LGSN: variants seen among roughly 807,000 people sequenced by gnomAD.
LGSN encodes lengsin.
LGSN carries 21 observed loss-of-function variants against 19.5 expected under a neutral mutation model. That is an observed-to-expected ratio of 1.07 (90% CI 0.76 to 1.55). The LOEUF is 1.55. LGSN is among the 40% of genes most tolerant of loss of function. The pLI, the probability that LGSN is intolerant of heterozygous loss-of-function variation, is 0.00. For synonymous variants in LGSN, 257 were observed against 215.6 expected, an observed-to-expected ratio of 1.19 and a Z score of -1.68; for missense variants, 673 against 608.5, an observed-to-expected ratio of 1.11 and a Z score of -1.12.
the LGSN span, among the ~76,000 whole-genome samples, chr6:63,442,111 T>C: frequency 2.0e-5 from 3 of 152,182 alleles, no homozygotes; most frequent in Admixed American, 1.3e-4. Flanking sequence ...ACAGCGCATC[T>C]GGAGTTGTTT....
the LGSN span, among the ~76,000 whole-genome samples, chr6:63,432,081 A>AAAAGAAGGAAAGAAAGAAAG: frequency 5.5e-5 from 7 of 127,724 alleles, no homozygotes; most frequent in Admixed American, 9.7e-5. Flanking sequence ...TCTCGAAAGA[A>AAAAGAAGGAAAGAAAGAAAG]AAAGAAGGAA....
chr6:63,492,822 T>C, the LGSN span, among the ~76,000 whole-genome samples: 1 of 152,362 alleles, frequency 6.6e-6, no homozygotes, highest in East Asian at 1.9e-4. Flanking sequence ...AATCCAACTT[T>C]AAAATCACAC....
intron 1 of LGSN, among the ~76,000 whole-genome samples, chr6:63,299,163 C>T (rs1768094296): frequency 6.6e-6 from 1 of 152,170 alleles, no homozygotes; most frequent in African/African-American, 2.4e-5. Context: ...CTTAAAAAGA[C>T]TGCCTATTGA....
At chr6:63,449,685 A>G in the LGSN span, among the ~76,000 whole-genome samples, 1 of 152,226 alleles carries the variant, frequency 6.6e-6, no homozygotes, top group African/African-American at 2.4e-5. Flanking sequence ...CCAGAGAAAG[A>G]AAACAAAAAT....
the LGSN span, chr6:63,441,619 G>A: frequency 6.4e-6 from 3 of 466,814 alleles, no homozygotes; most frequent in South Asian, 5.4e-5. Flanking sequence ...GCTCAGGAGA[G>A]GAAATGCGGA....
chr6:63,337,384 A>AC, the LGSN span, among the ~76,000 whole-genome samples: 24 of 151,578 alleles, frequency 1.6e-4, no homozygotes, highest in African/African-American at 5.6e-4. Flanking sequence ...AATCACTTGA[A>AC]CCCAAGAGGC....
At chr6:63,480,986 T>TATATATATATAC in the LGSN span, among the ~76,000 whole-genome samples, 1 of 44,114 alleles carries the variant, frequency 2.3e-5, no homozygotes, top group African/African-American at 4.5e-5. Context: ...TATATATATA[T>TATATATATATAC]ACACACACAC....
chr6:63,362,386 G>A, the LGSN span, among the ~76,000 whole-genome samples: 1 of 152,248 alleles, frequency 6.6e-6, no homozygotes, highest in African/African-American at 2.4e-5. Context: ...AGCCCACAGA[G>A]CAGGGCGGGG....
At chr6:63,331,886 C>T in the LGSN span, among the ~76,000 whole-genome samples, 4 of 152,006 alleles carry the variant, frequency 2.6e-5, no homozygotes, top group African/African-American at 7.3e-5. Flanking sequence ...TTCTTGAAAA[C>T]CTGTTAGAGT....
the LGSN span, among the ~76,000 whole-genome samples, chr6:63,461,704 C>A: frequency 6.6e-6 from 1 of 152,102 alleles, no homozygotes; most frequent in Non-Finnish European, 1.5e-5. Flanking sequence ...AGGACAGATC[C>A]CAAATCAATC....
the LGSN span, among the ~76,000 whole-genome samples, chr6:63,358,627 T>C: frequency 6.6e-6 from 1 of 152,222 alleles, no homozygotes; most frequent in African/African-American, 2.4e-5. Flanking sequence ...GATTTGGCTT[T>C]CTGTTTGTCT....
At chr6:63,373,566 T>C in the LGSN span, among the ~76,000 whole-genome samples, 2 of 151,986 alleles carry the variant, frequency 1.3e-5, no homozygotes, top group Non-Finnish European at 2.9e-5. Flanking sequence ...AAATGTTAGG[T>C]CATAAAAGAG....
intron 1 of LGSN, among the ~76,000 whole-genome samples, chr6:63,314,671 G>T (rs1240652498): frequency 6.6e-6 from 1 of 152,150 alleles, no homozygotes; most frequent in Non-Finnish European, 1.5e-5. Context: ...ATAAGAAAAG[G>T]TGGAGGGTTG....
At chr6:63,410,678 C>A in the LGSN span, among the ~76,000 whole-genome samples, 3 of 152,248 alleles carry the variant, frequency 2.0e-5, no homozygotes, top group South Asian at 6.2e-4. Flanking sequence ...GTGCAATGAA[C>A]GCAGTTTAAA....
At chr6:63,344,470 T>C in the LGSN span, among the ~76,000 whole-genome samples, 6 of 152,030 alleles carry the variant, frequency 3.9e-5, no homozygotes, top group African/African-American at 1.4e-4. Context: ...ACAAAGAAAG[T>C]AAACTAAAAA....
chr6:63,492,934 T>A, the LGSN span, among the ~76,000 whole-genome samples: 7 of 152,182 alleles, frequency 4.6e-5, no homozygotes, highest in Non-Finnish European at 1.0e-4. Flanking sequence ...GAAATGTCAT[T>A]TTTGCCTGAA....
chr6:63,482,845 C>T, the LGSN span, among the ~76,000 whole-genome samples: 1 of 152,096 alleles, frequency 6.6e-6, no homozygotes, highest in Non-Finnish European at 1.5e-5. Context: ...GGACTATAGG[C>T]GCGCACCACC....
At chr6:63,507,931 T>C in the LGSN span, among the ~76,000 whole-genome samples, 1 of 152,192 alleles carries the variant, frequency 6.6e-6, no homozygotes, top group Non-Finnish European at 1.5e-5. Flanking sequence ...TTTTCCATCA[T>C]GCCCAAGAGA....
chr6:63,513,287 A>G, the LGSN span, among the ~76,000 whole-genome samples: 1 of 152,228 alleles, frequency 6.6e-6, no homozygotes, highest in Non-Finnish European at 1.5e-5. Flanking sequence ...TCCTATGCAG[A>G]TTGCCATGAA....
Sources: gnomAD v4.1 joint callset for allele counts (sites outside exome capture counted in the v4.1 genomes callset) on GRCh38, gnomAD v4.1.1 for gene constraint, MANE v1.5 for transcripts, NCBI Gene and HGNC (gene_info 2026-07-23, HGNC 2026-07-21) for gene names.